Variants in KCNMA1 observed in about 807,000 individuals in gnomAD.
KCNMA1 encodes Calcium-activated potassium channel subunit alpha-1.
KCNMA1 carries 29 observed loss-of-function variants against 140.0 expected under a neutral mutation model. The observed-to-expected ratio is 0.21, with a 90% CI of 0.15 to 0.28. KCNMA1 has a LOEUF of 0.28. Ranked by LOEUF, KCNMA1 falls within the 10% of genes least tolerant of loss-of-function variation. The probability of loss-of-function intolerance (pLI) is 1.00; values close to 1 mark genes in which losing one functional copy is unlikely to be tolerated. For synonymous variants in KCNMA1, 612 were observed against 611.9 expected, an observed-to-expected ratio of 1.00 and a Z score of 0.00; for missense variants, 880 against 1,602.2, an observed-to-expected ratio of 0.55 and a Z score of 7.70.
intron 2 of KCNMA1, among the ~76,000 whole-genome samples, chr10:77,338,218 C>T (rs1403233901): frequency 2.6e-5 from 4 of 152,116 alleles, no homozygotes; most frequent in Non-Finnish European, 5.9e-5. Flanking sequence ...CACAGGGATA[C>T]ACTGAAAATG....
Position 77,136,070 on chromosome 10 carries a change from C to A in KCNMA1, c.809-15022G>T, listed in dbSNP as rs2248277. On this transcript the variant is annotated intron_variant, in intron 5 of 27. Transcript: ENST00000286628. The stretch of plus-strand genomic sequence containing the variant: ...CTACAATGAAATAGTCTTATAATTC[C>A]ATTGTGGAATTATAAACTGATAAAA... Among the ~76,000 whole-genome samples, 1,515 of 152,298 alleles carry A rather than the reference C, an allele frequency of 9.9e-3. 15 individuals carry two copies. The highest frequency in any genetic ancestry group is 0.02 in the Middle Eastern group (6 of 294).
At chr10:77,620,768 A>C (rs1033220835) in intron 1 of KCNMA1, among the ~76,000 whole-genome samples, 3 of 152,216 alleles carry the variant, frequency 2.0e-5, no homozygotes, top group Non-Finnish European at 4.4e-5. Context: ...ATTGCCATTA[A>C]GAATTATGGG....
intron 2 of KCNMA1, among the ~76,000 whole-genome samples, chr10:77,400,763 G>T (rs2096237815): frequency 6.6e-6 from 1 of 152,138 alleles, no homozygotes. Context: ...AGATACGGAA[G>T]AAATACGACA....
intron 3 of KCNMA1, among the ~76,000 whole-genome samples, chr10:77,248,587 C>T (rs557596599): frequency 5.9e-5 from 9 of 152,234 alleles, no homozygotes; most frequent in African/African-American, 2.2e-4. Context: ...TTCCAAAATA[C>T]CCAGATGGCC....
chr10:77,175,457 A>G (rs1597929890), intron 5 of KCNMA1, among the ~76,000 whole-genome samples: 1 of 152,216 alleles, frequency 6.6e-6, no homozygotes, highest in Non-Finnish European at 1.5e-5. Context: ...CATTCATTCA[A>G]CAAGTATGAA....
chr10:76,945,485 C>T (rs1235129446), intron 22 of KCNMA1, among the ~76,000 whole-genome samples: 4 of 151,914 alleles, frequency 2.6e-5, no homozygotes, highest in Admixed American at 1.3e-4. Context: ...CCTGGATGTG[C>T]GGCTCAATTT....
At chr10:77,559,769 A>G (rs1424904714) in intron 1 of KCNMA1, among the ~76,000 whole-genome samples, 1 of 152,212 alleles carries the variant, frequency 6.6e-6, no homozygotes, top group Non-Finnish European at 1.5e-5. Context: ...CATTTCAGCA[A>G]TCTCTGGCCC....
chr10:76,883,643 C>T (rs2035528821), downstream of KCNMA1, among the ~76,000 whole-genome samples: 1 of 151,748 alleles, frequency 6.6e-6, no homozygotes, highest in Non-Finnish European at 1.5e-5. Flanking sequence ...TAGAATGGTG[C>T]AGATAACAGA....
intron 1 of KCNMA1, among the ~76,000 whole-genome samples, chr10:77,623,300 G>A (rs962837513): frequency 2.0e-5 from 3 of 152,158 alleles, no homozygotes; most frequent in Admixed American, 1.3e-4. Context: ...GGTTCACAGA[G>A]TTTTAAAAAC....
intron 6 of KCNMA1, among the ~76,000 whole-genome samples, chr10:77,113,890 A>C (rs1339693269): frequency 1.3e-5 from 2 of 152,226 alleles, no homozygotes; most frequent in Non-Finnish European, 2.9e-5. Context: ...TTTAACAAAA[A>C]TCCCAAATAC....
intron 1 of KCNMA1, among the ~76,000 whole-genome samples, chr10:77,533,298 C>G (rs2058121305): frequency 6.6e-6 from 1 of 152,128 alleles, no homozygotes. Context: ...ACTGGGCAGA[C>G]TAGCCAACAC....
chr10:76,923,653 A>T (rs978973924), intron 23 of KCNMA1, among the ~76,000 whole-genome samples: 3 of 152,286 alleles, frequency 2.0e-5, no homozygotes, highest in African/African-American at 4.8e-5. Flanking sequence ...ACAACATCTC[A>T]ACTTCTCAGT....
chr10:76,898,761 G>T (rs1564782646), intron 25 of KCNMA1, among the ~76,000 whole-genome samples: 1 of 151,510 alleles, frequency 6.6e-6, no homozygotes, highest in South Asian at 2.1e-4. Flanking sequence ...ATGTCTTGAG[G>T]CCAATGCTAT....
rs1053697165 is a variant in KCNMA1, at chr10:77,355,924, A to G, written c.540+47938T>C. On this transcript the variant is annotated intron_variant, in intron 2 of 27. Coordinates refer to ENST00000286628, the MANE Select transcript of KCNMA1 (RefSeq NM_001161352.2). ...CTCATAGAAAACTCACGCATTACTC[A>G]GTGAAAAAACGACCCCCTGTACACA... Among the ~76,000 whole-genome samples, 9 of 151,968 alleles carry G rather than the reference A, an allele frequency of 5.9e-5. 1 individual carries two copies. The East Asian group carries it at 1.4e-3, about 23-fold the overall frequency.
intron 5 of KCNMA1, among the ~76,000 whole-genome samples, chr10:77,144,953 C>T (rs1171087858): frequency 6.6e-6 from 1 of 152,154 alleles, no homozygotes. Context: ...TTAAAGAAAA[C>T]GATGTTTGCA....
At chr10:77,324,169 C>T (rs1175869438) in intron 2 of KCNMA1, among the ~76,000 whole-genome samples, 1 of 152,182 alleles carries the variant, frequency 6.6e-6, no homozygotes, top group Admixed American at 6.5e-5. Context: ...CAGCATGGCA[C>T]CAACTGAACA....
intron 1 of KCNMA1, among the ~76,000 whole-genome samples, chr10:77,585,793 A>G (rs1240459747): frequency 3.3e-5 from 5 of 152,162 alleles, no homozygotes; most frequent in Non-Finnish European, 5.9e-5. Flanking sequence ...TAGGTATACT[A>G]TATGCTCCTA....
At position 77,612,172 on chromosome 10, in the gene KCNMA1, C is replaced by CA. The variant is rs756329524; in HGVS notation, c.378+25092dup. ...AGCCCAGCACCAGACCTTGCTCCTG[C>CA]AAATCCCAAAGATAATGTGCACATT... On this transcript the variant is annotated intron_variant, in intron 1 of 27. Transcript: ENST00000286628. Among the ~76,000 whole-genome samples, 61 of 152,262 alleles carry CA rather than the reference C, an allele frequency of 4.0e-4. No homozygotes were observed. In the Middle Eastern group the frequency reaches 0.01, roughly 25 times the overall value.
Position 77,637,728 on chromosome 10 carries a change from T to G in KCNMA1, c.-86A>C. The G allele has an allele frequency of 7.6e-7, 1 of 1,322,854 alleles. No individual in the cohort carries two copies. Among genetic ancestry groups the G allele is most frequent in the African/African-American group, 1.6e-5 (1 of 64,390 alleles). The allele number at this position is 1,322,854 out of a possible 1,614,324, so 81.9% of individuals were successfully genotyped here. On this transcript the variant is annotated 5_prime_UTR_variant, in exon 1 of 28. Transcript: ENST00000286628. ...CCCAAACACCCATCAACAGCCATATTGCTGCTACTGCTGCCGCCGCCGCCG... is the reference window on the plus strand; with the variant it reads ...CCCAAACACCCATCAACAGCCATATGGCTGCTACTGCTGCCGCCGCCGCCG...
Sources: allele counts gnomAD v4.1 joint callset (sites outside exome capture counted in the v4.1 genomes callset), GRCh38; gene constraint gnomAD v4.1.1; transcripts MANE v1.5; gene names NCBI Gene and HGNC (gene_info 2026-07-23, HGNC 2026-07-21).